CACHD1: variants seen among roughly 807,000 people sequenced by gnomAD.
The protein encoded by CACHD1 is VWFA and cache domain-containing protein 1.
A neutral mutation model predicts 138.7 loss-of-function variants in CACHD1; 71 were observed. The ratio of observed to expected loss-of-function variants is 0.51; its 90% confidence interval spans 0.42 to 0.62. The LOEUF (loss-of-function observed/expected upper bound fraction) is 0.62. Among genes scored for constraint, CACHD1 ranks in the 20% least tolerant of loss-of-function variants. CACHD1 has a pLI of 0.00. For synonymous variants in CACHD1, 578 were observed against 591.5 expected, an observed-to-expected ratio of 0.98 and a Z score of 0.33; for missense variants, 1,389 against 1,625.3, an observed-to-expected ratio of 0.85 and a Z score of 2.50.
chr1:64,681,939 A>G (rs1650204773), intron 25 of CACHD1, 66 bp from the exon 26 acceptor site: 1 of 1,372,732 alleles, frequency 7.3e-7, no homozygotes, highest in African/African-American at 1.4e-5. Context: ...CTCTCAGAGC[A>G]AATGTGTTTG....
At chr1:64,649,361 T>C (rs569360350) in intron 9 of CACHD1, among the ~76,000 whole-genome samples, 4 of 152,320 alleles carry the variant, frequency 2.6e-5, no homozygotes, top group African/African-American at 9.6e-5. Context: ...CCTTGCTTTT[T>C]TTAATCACTC....
chr1:64,573,615 A>G (rs1646943574), intron 2 of CACHD1, among the ~76,000 whole-genome samples: 2 of 152,202 alleles, frequency 1.3e-5, no homozygotes, highest in African/African-American at 2.4e-5. Context: ...CTACACTCAG[A>G]GGAAGATCTT....
intron 6 of CACHD1, among the ~76,000 whole-genome samples, chr1:64,633,356 C>T (rs1016174214): frequency 2.0e-5 from 3 of 152,128 alleles, no homozygotes; most frequent in Non-Finnish European, 2.9e-5. Flanking sequence ...AAATCCCTTT[C>T]GTAACTACCA....
chr1:64,513,688 A>G (rs1646438179), intron 1 of CACHD1, among the ~76,000 whole-genome samples: 1 of 152,118 alleles, frequency 6.6e-6, no homozygotes. Flanking sequence ...ATGGGCTGGC[A>G]GTCAGAAAAT....
At chr1:64,624,664 A>G in intron 4 of CACHD1, among the ~76,000 whole-genome samples, 1 of 152,184 alleles carries the variant, frequency 6.6e-6, no homozygotes, top group Non-Finnish European at 1.5e-5. Flanking sequence ...CTTGACTCTC[A>G]TGGCCCCTTC....
At chr1:64,661,831 CAT>C (rs1444934752) in intron 13 of CACHD1, among the ~76,000 whole-genome samples, 2 of 152,158 alleles carry the variant, frequency 1.3e-5, no homozygotes, top group African/African-American at 4.8e-5. Flanking sequence ...TTAAATGAAA[CAT>C]AACATTATTT....
chr1:64,648,440 G>A (rs1648983597), intron 9 of CACHD1, among the ~76,000 whole-genome samples: 1 of 152,020 alleles, frequency 6.6e-6, no homozygotes. Context: ...TGTTGTCCTT[G>A]GTAAGTTATT....
chr1:64,520,198 T>C (rs542748860), intron 1 of CACHD1, among the ~76,000 whole-genome samples: 9 of 152,340 alleles, frequency 5.9e-5, no homozygotes, highest in Admixed American at 5.9e-4. Context: ...GGGACAAGCC[T>C]ATCAAGGCTA....
At chr1:64,490,976 A>C (rs1053642297) in intron 1 of CACHD1, among the ~76,000 whole-genome samples, 2 of 152,204 alleles carry the variant, frequency 1.3e-5, no homozygotes, top group Non-Finnish European at 2.9e-5. Context: ...TTCTCATGTA[A>C]AAATTAAAAG....
At chr1:64,557,038 G>A (rs1382812308) in intron 2 of CACHD1, among the ~76,000 whole-genome samples, 4 of 151,810 alleles carry the variant, frequency 2.6e-5, no homozygotes, top group South Asian at 2.1e-4. Context: ...AGAATGGCGC[G>A]TGAGCCCGGG....
chr1:64,668,242 G>A (rs746164065), intron 16 of CACHD1, among the ~76,000 whole-genome samples: 2 of 151,372 alleles, frequency 1.3e-5, no homozygotes, highest in South Asian at 2.1e-4. Context: ...CAAGAGAATC[G>A]CTTGAACCCG....
At chr1:64,603,230 G>A (rs139875863) in intron 4 of CACHD1, among the ~76,000 whole-genome samples, 3,472 of 145,748 alleles carry the variant, frequency 0.024, 130 homozygotes, top group African/African-American at 0.084. Flanking sequence ...TCAGCCTCCC[G>A]AGTAGCTGGG....
chr1:64,620,352 T>C (rs1477900588), intron 4 of CACHD1, among the ~76,000 whole-genome samples: 1 of 152,160 alleles, frequency 6.6e-6, no homozygotes, highest in Non-Finnish European at 1.5e-5. Context: ...CAGTGAAACA[T>C]CCTTTGTAAG....
chr1:64,597,173 G>A lies in CACHD1; in HGVS notation c.411-5633G>A, dbSNP rs755544660. ...GAAAAGTTGATTTACACTGTGAATC[G>A]AGGCTGAATGAAATCCAATTGGAAC... On this transcript the variant is annotated intron_variant, in intron 3 of 26. Coordinates refer to ENST00000651257, the MANE Select transcript of CACHD1 (RefSeq NM_020925.4). 7.2e-5 allele frequency among the ~76,000 whole-genome samples: 11 copies of A among 152,226 alleles called. No homozygotes were observed. In the East Asian group the frequency reaches 7.7e-4, roughly 11 times the overall value.
At chr1:64,481,009 C>G (rs1646208661) in intron 1 of CACHD1, among the ~76,000 whole-genome samples, 1 of 150,820 alleles carries the variant, frequency 6.6e-6, no homozygotes, top group African/African-American at 2.4e-5. Context: ...CTCTTTTTTT[C>G]TGAGTTCAAA....
At chr1:64,503,435 A>G (rs1229914066) in intron 1 of CACHD1, among the ~76,000 whole-genome samples, 1 of 152,240 alleles carries the variant, frequency 6.6e-6, no homozygotes, top group African/African-American at 2.4e-5. Flanking sequence ...TTACAGAGCC[A>G]AGATACTAAG....
chr1:64,575,906 T>C (rs1461951504), intron 2 of CACHD1, among the ~76,000 whole-genome samples: 2 of 152,190 alleles, frequency 1.3e-5, no homozygotes, highest in African/African-American at 4.8e-5. Context: ...TGGGGAAGTA[T>C]GCAAATGACA....
At chr1:64,663,933 T>C in intron 14 of CACHD1, 96 bp downstream of exon 14, 1 of 1,485,220 alleles carries the variant, frequency 6.7e-7, no homozygotes, top group African/African-American at 1.4e-5. Flanking sequence ...AACCCAGCTC[T>C]GCATCTGTGC....
intron 1 of CACHD1, among the ~76,000 whole-genome samples, chr1:64,540,399 A>G (rs1646668555): frequency 6.6e-6 from 1 of 152,060 alleles, no homozygotes; most frequent in Non-Finnish European, 1.5e-5. Context: ...AGTTTGGGCA[A>G]CTCGACTTTC....
Sources: gnomAD v4.1 joint callset for allele counts (sites outside exome capture counted in the v4.1 genomes callset) on GRCh38, gnomAD v4.1.1 for gene constraint, MANE v1.5 for transcripts, NCBI Gene and HGNC (gene_info 2026-07-23, HGNC 2026-07-21) for gene names.